GPR20: variants seen among roughly 807,000 people sequenced by gnomAD.
GPR20 encodes G protein-coupled receptor 20.
For missense variants in GPR20, 494 were observed against 527.4 expected, an observed-to-expected ratio of 0.94 and a Z score of 0.62; for synonymous variants, 241 against 241.9, an observed-to-expected ratio of 1.00 and a Z score of 0.04.
At chr8:141,365,837 A>C (rs1215661755) in intron 1 of GPR20, among the ~76,000 whole-genome samples, 5 of 152,150 alleles carry the variant, frequency 3.3e-5, no homozygotes, top group Non-Finnish European at 4.4e-5. Flanking sequence ...TCCAGAGCCC[A>C]CAGCCCCGCA....
At chr8:141,361,019 G>A (rs1831727622) in intron 1 of GPR20, among the ~76,000 whole-genome samples, 1 of 152,220 alleles carries the variant, frequency 6.6e-6, no homozygotes, top group Non-Finnish European at 1.5e-5. Context: ...TGGGGGAGAT[G>A]GTCCTGTCTC....
chr8:141,356,641 A>G lies in GPR20; in HGVS notation c.*206T>C. ...ACCCCAGGAACAGCAAATCACCGGCATTCAGGCCACCACATCCCATCGGAG... is the reference window on the plus strand; with the variant it reads ...ACCCCAGGAACAGCAAATCACCGGCGTTCAGGCCACCACATCCCATCGGAG... On this transcript the variant is annotated 3_prime_UTR_variant, in exon 2 of 2. Transcript: ENST00000377741. The G allele has an allele frequency of 2.0e-6, 1 of 504,004 alleles. No individual in the cohort carries two copies. Among genetic ancestry groups the G allele is most frequent in the South Asian group, 3.7e-5 (1 of 27,132 alleles). 31.2% of individuals were successfully genotyped at this position (504,004 alleles called of 1,614,324 possible).
intron 1 of GPR20, among the ~76,000 whole-genome samples, chr8:141,362,784 C>CT (rs111619817): frequency 0.029 from 4,190 of 146,354 alleles, 170 homozygotes; most frequent in African/African-American, 0.091. Flanking sequence ...TTCTTTCTTT[C>CT]TTTTTTTTTT....
At position 141,356,501 on chromosome 8, in the gene GPR20, C is replaced by T. The variant is rs1287266056; in HGVS notation, c.*346G>A. The stretch of plus-strand genomic sequence containing the variant: ...CTTTTTTCTTTTTCATCTCATCCTT[C>T]TAATCAATGGAATCCACTGTGCCCT... On this transcript the variant is annotated 3_prime_UTR_variant, in exon 2 of 2. Coordinates refer to ENST00000377741, the MANE Select transcript of GPR20 (RefSeq NM_005293.3). 9.0e-6 allele frequency: 3 copies of T among 331,526 alleles called. No individual in the cohort carries two copies. Among genetic ancestry groups the T allele is most frequent in the Non-Finnish European group, 1.6e-5 (3 of 183,858 alleles). 20.5% of individuals were successfully genotyped at this position (331,526 alleles called of 1,614,324 possible).
At position 141,357,077 on chromosome 8, in the gene GPR20, C is replaced by T. The variant is rs556120969; in HGVS notation, c.847G>A (p.Val283Met). The change falls in exon 2 of 2, where the codon GTG (valine) becomes ATG (methionine). Residue 283 changes from valine to methionine, a missense_variant. Transcript: ENST00000377741. ...CAGCTGTTGAGGCTGCTGAGGGTCACGGCCACGTGGTAGACCACGAGGCTC... is the reference window on the plus strand; with the variant it reads ...CAGCTGTTGAGGCTGCTGAGGGTCATGGCCACGTGGTAGACCACGAGGCTC... ...HTSLVVYHVA[V>M]TLSSLNSCMD... is the part of the protein sequence containing the mutation. 94 of 1,612,450 alleles carry T rather than the reference C, an allele frequency of 5.8e-5. No homozygotes were observed. The highest frequency in any genetic ancestry group is 1.3e-4 in the East Asian group (6 of 44,854).
At position 141,367,268 on chromosome 8, in the gene GPR20, C is replaced by T. The variant is rs1158505160; in HGVS notation, c.-92G>A. 3 of 151,886 alleles carry T rather than the reference C, an allele frequency of 2.0e-5. No homozygotes were observed. Among genetic ancestry groups the T allele is most frequent in the Admixed American group, 6.6e-5 (1 of 15,264 alleles). The allele number at this position is 151,886 out of a possible 1,614,324, so 9.4% of individuals were successfully genotyped here. A position where few individuals can be genotyped will look rare whatever the true frequency, so the allele number is the denominator to read the frequency against. Reference sequence around the variant, plus strand: ...TCAGCTCTGCATGCAGCCCGGACCTCGCCTTCCTACGGCCTGACGTCAGGC... The same window carrying T: ...TCAGCTCTGCATGCAGCCCGGACCTTGCCTTCCTACGGCCTGACGTCAGGC... On this transcript the variant is annotated 5_prime_UTR_variant, in exon 1 of 2. Transcript: ENST00000377741.
chr8:141,363,331 C>T (rs1831767170), intron 1 of GPR20, among the ~76,000 whole-genome samples: 1 of 152,240 alleles, frequency 6.6e-6, no homozygotes, highest in African/African-American at 2.4e-5. Context: ...TGGACCAGCC[C>T]GCTCACACGT....
At position 141,357,895 on chromosome 8, in the gene GPR20, G is replaced by A. The variant is rs766931659; in HGVS notation, c.29C>T (p.Ser10Leu). 13 of 1,582,570 alleles carry A rather than the reference G, an allele frequency of 8.2e-6. No individual in the cohort carries two copies. Among genetic ancestry groups the A allele is most frequent in the South Asian group, 6.8e-5 (6 of 88,084 alleles). MPSVSPAGP[S>L]AGAVPNATAV... ...GGTGGCATTGGGGACTGCCCCGGCC[G>A]AGGGCCCCGCTGGAGACACAGAGGG... The change falls in exon 2 of 2, where the codon TCG becomes TTG. Residue 10 changes from serine to leucine, a missense_variant. By Grantham distance (145) the Ser-to-Leu change is moderately radical (BLOSUM62 -2). Transcript: ENST00000377741.
chr8:141,357,430 G>T lies in GPR20; in HGVS notation c.494C>A (p.Ala165Asp). The change falls in exon 2 of 2, where the codon GCC becomes GAC. Residue 165 changes from alanine (A) to aspartate (D), a missense_variant. Physicochemically the swap from Ala to Asp is moderately radical, Grantham distance 126. Transcript: ENST00000377741. ...GAAGGCGCACACGGCCCTGGCACAGGCAGGCTGGCGGCAGCGGCGGGAGCC... is the reference window on the plus strand; with the variant it reads ...GAAGGCGCACACGGCCCTGGCACAGTCAGGCTGGCGGCAGCGGCGGGAGCC... ...PEGSRRCRQP[A>D]CARAVCAFVW... 1 of 1,605,606 alleles carries T rather than the reference G, an allele frequency of 6.2e-7. No individual in the cohort carries two copies. The highest frequency in any genetic ancestry group is 1.1e-5 in the South Asian group (1 of 90,574).
At chr8:141,361,884 G>T (rs2154616604) in intron 1 of GPR20, among the ~76,000 whole-genome samples, 1 of 152,292 alleles carries the variant, frequency 6.6e-6, no homozygotes, top group Non-Finnish European at 1.5e-5. Context: ...CTCCAGGTGG[G>T]CACACCTCCC....
chr8:141,362,201 T>C (rs1324290080), intron 1 of GPR20, among the ~76,000 whole-genome samples: 2 of 152,198 alleles, frequency 1.3e-5, no homozygotes, highest in Admixed American at 1.3e-4. Context: ...TCTCTCCCTT[T>C]CGGCTTATTC....
intron 1 of GPR20, among the ~76,000 whole-genome samples, chr8:141,359,351 C>T (rs1168923480): frequency 6.6e-6 from 1 of 152,218 alleles, no homozygotes; most frequent in African/African-American, 2.4e-5. Context: ...TTCAGAGGGC[C>T]AGGTCCCTCC....
intron 1 of GPR20, among the ~76,000 whole-genome samples, chr8:141,360,950 C>G (rs778554481): frequency 6.6e-6 from 1 of 152,188 alleles, no homozygotes; most frequent in Non-Finnish European, 1.5e-5. Context: ...CAGAGCCGGC[C>G]GGAGAGGGGA....
At chr8:141,360,731 C>T (rs896996747) in intron 1 of GPR20, among the ~76,000 whole-genome samples, 4 of 152,216 alleles carry the variant, frequency 2.6e-5, no homozygotes, top group African/African-American at 9.6e-5. Flanking sequence ...GGGAGAGGCA[C>T]AGACTCTGCT....
chr8:141,367,234 C>CCTCAGCT lies in GPR20; in HGVS notation c.-65_-59dup, dbSNP rs909502013. 3 of 152,184 alleles carry CCTCAGCT rather than the reference C, an allele frequency of 2.0e-5. No individual in the cohort carries two copies. Among genetic ancestry groups the CCTCAGCT allele is most frequent in the African/African-American group, 4.8e-5 (2 of 41,490 alleles). 9.4% of individuals were successfully genotyped at this position (152,184 alleles called of 1,614,324 possible). A position where few individuals can be genotyped will look rare whatever the true frequency, so the allele number is the denominator to read the frequency against. On this transcript the variant is annotated 5_prime_UTR_variant, in exon 1 of 2. Coordinates refer to ENST00000377741, the MANE Select transcript of GPR20 (RefSeq NM_005293.3). ...ACCCGGGCAGGCTGGAGATGGGAGT[C>CCTCAGCT]CTCAGCTCTCAGCTCTGCATGCAGC...
At chr8:141,365,740 C>G (rs1292834587) in intron 1 of GPR20, among the ~76,000 whole-genome samples, 1 of 152,126 alleles carries the variant, frequency 6.6e-6, no homozygotes, top group African/African-American at 2.4e-5. Context: ...TGTGAGACAC[C>G]GGGGGCGTGG....
intron 1 of GPR20, among the ~76,000 whole-genome samples, chr8:141,359,270 C>A (rs1445916633): frequency 3.9e-5 from 6 of 152,186 alleles, no homozygotes; most frequent in Non-Finnish European, 8.8e-5. Flanking sequence ...CCCATCCCAC[C>A]CCTGGGGAAC....
At chr8:141,365,889 G>A (rs150193211) in intron 1 of GPR20, among the ~76,000 whole-genome samples, 1,824 of 152,294 alleles carry the variant, frequency 0.012, 23 homozygotes, top group Middle Eastern at 0.037. Flanking sequence ...CCTGCCACGC[G>A]CAGTTCCCTA....
intron 1 of GPR20, among the ~76,000 whole-genome samples, chr8:141,366,939 G>A (rs1831821949): frequency 2.0e-5 from 3 of 152,346 alleles, no homozygotes; most frequent in African/African-American, 4.8e-5. Context: ...ACCTAGCAGC[G>A]CAGCTCCCCC....
Sources: allele counts gnomAD v4.1 joint callset (sites outside exome capture counted in the v4.1 genomes callset), GRCh38; gene constraint gnomAD v4.1.1; transcripts MANE v1.5; gene names NCBI Gene and HGNC (gene_info 2026-07-23, HGNC 2026-07-21).